GGT5: variants seen among roughly 807,000 people sequenced by gnomAD.
The protein encoded by GGT5 is glutathione hydrolase 5 proenzyme.
GGT5 carries 50 observed loss-of-function variants against 58.1 expected under a neutral mutation model. The observed-to-expected ratio is 0.86, with a 90% CI of 0.69 to 1.09. The LOEUF (loss-of-function observed/expected upper bound fraction) is 1.09. Among genes scored for constraint, GGT5 ranks in the 50% least tolerant of loss-of-function variants. The pLI is 0.00. For missense variants in GGT5, 800 were observed against 789.4 expected (o/e 1.01, Z -0.16); for synonymous variants, 370 against 346.1 (o/e 1.07, Z -0.77).
rs550470041 is a variant in GGT5, at chr22:24,244,353, A to T, written c.173+200T>A. 3.4e-5 allele frequency: 20 copies of T among 586,952 alleles called. No homozygotes were observed. In the South Asian group the frequency reaches 3.9e-4, roughly 11 times the overall value. 36.4% of individuals were successfully genotyped at this position (586,952 alleles called of 1,614,324 possible). ...TACACATACCCACACACAATCACAC[A>T]CATTCACACACACCCACACTCCCCA... On this transcript the variant is annotated intron_variant, in intron 1 of 11. Coordinates refer to ENST00000327365, the MANE Select transcript of GGT5 (RefSeq NM_004121.5).
intron 1 of GGT5, among the ~76,000 whole-genome samples, chr22:24,238,732 A>G (rs1184593564): frequency 1.1e-5 from 1 of 95,132 alleles, no homozygotes; most frequent in Non-Finnish European, 2.0e-5. Context: ...AAAGTGGAAT[A>G]TATATATATG....
chr22:24,234,041 C>T (rs765247711), intron 1 of GGT5, 37 bp from the exon 2 acceptor site: 54 of 1,561,212 alleles, frequency 3.5e-5, no homozygotes, highest in African/African-American at 5.5e-5. Context: ...TGGGGCTCCC[C>T]TCCCCCTGCC....
Position 24,220,020 on chromosome 22 carries a change from C to T in GGT5, c.1711G>A (p.Val571Met). Residue 571 changes from valine to methionine, a missense_variant, in exon 12 of 12, where the codon GTG becomes ATG. Val to Met is a conservative substitution (Grantham distance 21, BLOSUM62 1). Coordinates refer to ENST00000327365, the MANE Select transcript of GGT5 (RefSeq NM_004121.5). Reference sequence around the variant, plus strand: ...TTCCTCAGGTCCGAGACGGCGTACACACAGGCCCCCTCCTGGGACACAGCC... The same window carrying T: ...TTCCTCAGGTCCGAGACGGCGTACATACAGGCCCCCTCCTGGGACACAGCC... ...VQAVSQEGACVYAVSDLRKSG... is the reference protein window; with the variant it reads ...VQAVSQEGACMYAVSDLRKSG... The T allele has an allele frequency of 6.2e-7, 1 of 1,614,134 alleles. No homozygotes were observed. The highest frequency in any genetic ancestry group is 8.5e-7 in the Non-Finnish European group (1 of 1,179,990).
intron 11 of GGT5, among the ~76,000 whole-genome samples, 153 bp downstream of exon 11, chr22:24,224,843 A>G (rs536322630): frequency 2.0e-5 from 3 of 152,220 alleles, no homozygotes; most frequent in African/African-American, 7.2e-5. Context: ...TGACAGCCTC[A>G]CCCATCAAGG....
chr22:24,234,043 C>T, intron 1 of GGT5, 39 bp from the exon 2 acceptor site: 1 of 1,560,544 alleles, frequency 6.4e-7, no homozygotes, highest in Non-Finnish European at 8.7e-7. Context: ...GGGCTCCCCT[C>T]CCCCTGCCTC....
rs181223400 is a variant in GGT5 at position 24,229,046 on chromosome 22, G to A, written c.902-2279C>T. On this transcript the variant is annotated intron_variant, in intron 6 of 11. Coordinates refer to ENST00000327365, the MANE Select transcript of GGT5 (RefSeq NM_004121.5). ...AGAGGTTGCAGTGAGCTGAGATCGC[G>A]CAATTGCACTCCACTCCAGCCTGGG... Among the ~76,000 whole-genome samples the A allele has an allele frequency of 1.1e-4, 17 of 150,620 alleles. No individual in the cohort carries two copies. In the East Asian group the frequency reaches 2.4e-3, roughly 21 times the overall value.
Position 24,244,612 on chromosome 22 carries a change from G to A in GGT5, c.114C>T (p.Pro38=), listed in dbSNP as rs745463255. The stretch of plus-strand genomic sequence containing the variant: ...CAACAGCAGCGTGGGCAAAGGCCTG[G>A]GGGCCACATGGGGCCTGGTGTCGAG... ...VLSRHQAPCG[P]QAFAHAAVAA... is the part of the protein sequence containing the mutation. Residue 38 remains proline, a synonymous_variant, in exon 1 of 12, where the codon CCC becomes CCT. Transcript: ENST00000327365. The A allele has an allele frequency of 1.2e-6, 2 of 1,612,756 alleles. No individual in the cohort carries two copies. Among genetic ancestry groups the A allele is most frequent in the Non-Finnish European group, 1.7e-6 (2 of 1,179,882 alleles).
intron 11 of GGT5, 42 bp downstream of exon 11, chr22:24,224,954 G>GT (rs1316885263): frequency 3.8e-6 from 5 of 1,320,712 alleles, no homozygotes; most frequent in Non-Finnish European, 5.3e-6. Flanking sequence ...GATTTGGGGA[G>GT]TGGGCTCTGC....
intron 11 of GGT5, among the ~76,000 whole-genome samples, chr22:24,222,897 G>A (rs768192820): frequency 3.3e-5 from 5 of 152,044 alleles, no homozygotes; most frequent in African/African-American, 7.2e-5. Context: ...CTAACACGGT[G>A]AAACCCTGTC....
Position 24,219,896 on chromosome 22 carries a change from G to C in GGT5, c.*74C>G. The C allele has an allele frequency of 6.8e-7, 1 of 1,464,554 alleles. No individual in the cohort carries two copies. The highest frequency in any genetic ancestry group is 9.5e-7 in the Non-Finnish European group (1 of 1,056,726). The allele number at this position is 1,464,554 out of a possible 1,614,324, so 90.7% of individuals were successfully genotyped here. On this transcript the variant is annotated 3_prime_UTR_variant, in exon 12 of 12. Coordinates refer to ENST00000327365, the MANE Select transcript of GGT5 (RefSeq NM_004121.5). ...GGTCCAGATCCTGCCAGAGTAGTTG[G>C]TCCCCCAGCCATGTCCGGCCTGGAC...
chr22:24,234,610 AG>A (rs1230192480), intron 1 of GGT5, among the ~76,000 whole-genome samples: 6 of 152,206 alleles, frequency 3.9e-5, no homozygotes, highest in Non-Finnish European at 8.8e-5. Context: ...ACTTGAGGTC[AG>A]GAGTTCAAGA....
At chr22:24,243,655 G>A (rs1445484256) in intron 1 of GGT5, 1 of 152,386 alleles carries the variant, frequency 6.6e-6, no homozygotes, top group Non-Finnish European at 1.5e-5. Context: ...CCCAGTGGGA[G>A]GCAGGGAGCA....
chr22:24,232,027 G>A (rs1310720649), intron 5 of GGT5, 24 bp downstream of exon 5: 1 of 1,600,036 alleles, frequency 6.2e-7, no homozygotes, highest in Non-Finnish European at 8.6e-7. Context: ...CAGGGATGGG[G>A]TATGGAACCT....
At position 24,233,483 on chromosome 22, in the gene GGT5, T is replaced by C. The variant is rs766973556; in HGVS notation, c.400+15A>G. 4.6e-6 allele frequency: 7 copies of C among 1,519,442 alleles called. No individual in the cohort carries two copies. In the Admixed American group the frequency reaches 8.9e-5, roughly 19 times the overall value. 94.1% of individuals were successfully genotyped at this position (1,519,442 alleles called of 1,614,324 possible). ...GCCTGGGGGGTGGGAGTGGGGGACC[T>C]CCATGGGGCGTCACCTGTGCCCAGT... is the stretch of plus-strand genomic sequence containing the variant. On this transcript the variant is annotated intron_variant, in intron 3 of 11. Transcript: ENST00000327365.
chr22:24,238,124 G>A (rs974144619), intron 1 of GGT5, among the ~76,000 whole-genome samples: 14 of 151,368 alleles, frequency 9.2e-5, no homozygotes, highest in Admixed American at 7.9e-4. Context: ...ATCTACTTGG[G>A]AGGCTGAGGC....
intron 11 of GGT5, among the ~76,000 whole-genome samples, chr22:24,222,969 TGGGAGGATGAGGC>T (rs370826436): frequency 0.021 from 3,174 of 151,750 alleles, 123 homozygotes; most frequent in African/African-American, 0.074. Flanking sequence ...CCCAGCTACT[TGGGAGGATGAGGC>T]GGGAGGATGA....
At position 24,232,219 on chromosome 22, in the gene GGT5, G is replaced by T. The variant is rs1404966777; in HGVS notation, c.597-11C>A. The T allele has an allele frequency of 4.8e-6, 7 of 1,447,060 alleles. No individual in the cohort carries two copies. Among genetic ancestry groups the T allele is most frequent in the Middle Eastern group, 2.1e-4 (1 of 4,814 alleles). The allele number at this position is 1,447,060 out of a possible 1,614,324, so 89.6% of individuals were successfully genotyped here. ...TTGAAGAAGAGCTGGCTGGGGGGTG[G>T]GGGGAGCCTCAGGGTGGGGCCAGGT... On this transcript the variant is annotated splice_polypyrimidine_tract_variant and intron_variant, in intron 4 of 11. Transcript: ENST00000327365.
chr22:24,221,742 G>A (rs2047595522), intron 11 of GGT5, among the ~76,000 whole-genome samples: 1 of 151,906 alleles, frequency 6.6e-6, no homozygotes, highest in Non-Finnish European at 1.5e-5. Flanking sequence ...CTGACCTCAG[G>A]TGAACCACCC....
At chr22:24,228,607 C>A (rs549786282) in intron 6 of GGT5, among the ~76,000 whole-genome samples, 7 of 151,490 alleles carry the variant, frequency 4.6e-5, no homozygotes, top group Admixed American at 4.0e-4. Context: ...CCCGCCACCA[C>A]GCCTGGCTAA....
Sources: gnomAD v4.1 joint callset for allele counts (sites outside exome capture counted in the v4.1 genomes callset) on GRCh38, gnomAD v4.1.1 for gene constraint, MANE v1.5 for transcripts, NCBI Gene and HGNC (gene_info 2026-07-23, HGNC 2026-07-21) for gene names.